The following GPC5 variants were observed in gnomAD, a reference collection of about 807,000 sequenced individuals.
GPC5 encodes the protein glypican 5.
In GPC5, 47 loss-of-function variants were observed where a neutral mutation model predicts 53.9. That is an observed-to-expected ratio of 0.87 (90% CI 0.69 to 1.11). GPC5 has a LOEUF of 1.11. GPC5 is among the 50% of genes most tolerant of loss of function. The probability of loss-of-function intolerance (pLI) is 0.00; values close to 1 mark genes in which losing one functional copy is unlikely to be tolerated. For synonymous variants in GPC5, 286 were observed against 263.3 expected (o/e 1.09, Z -0.84); for missense variants, 748 against 713.1 (o/e 1.05, Z -0.56).
chr13:91,678,524 T>A (rs929444264), intron 2 of GPC5, among the ~76,000 whole-genome samples: 6 of 152,180 alleles, frequency 3.9e-5, no homozygotes, highest in Non-Finnish European at 8.8e-5. Flanking sequence ...GATAAGATGC[T>A]TCATTAGTCG....
intron 6 of GPC5, among the ~76,000 whole-genome samples, chr13:91,985,522 C>T (rs1205609431): frequency 1.3e-5 from 2 of 151,746 alleles, no homozygotes; most frequent in South Asian, 2.1e-4. Flanking sequence ...TCTTATTTAT[C>T]GTTTCTTGGC....
Position 92,589,323 on chromosome 13 carries a change from T to G in GPC5, c.1562-276959T>G, listed in dbSNP as rs374890672. Among the ~76,000 whole-genome samples, 12 of 152,300 alleles carry G rather than the reference T, an allele frequency of 7.9e-5. No homozygotes were observed. In the East Asian group the frequency reaches 1.7e-3, roughly 22 times the overall value. Reference sequence around the variant, plus strand: ...GAAACCTTGAGAGTCATGAGTTCAGTGCAGCAAGGAAGCATCATGCATTTA... The same window carrying G: ...GAAACCTTGAGAGTCATGAGTTCAGGGCAGCAAGGAAGCATCATGCATTTA... On this transcript the variant is annotated intron_variant, in intron 7 of 7. Transcript: ENST00000377067.
chr13:92,334,782 G>A (rs1488204735), intron 7 of GPC5, among the ~76,000 whole-genome samples: 6 of 152,164 alleles, frequency 3.9e-5, no homozygotes, highest in Admixed American at 1.3e-4. Flanking sequence ...TAATAGGGCA[G>A]TCATTAAACC....
chr13:92,535,488 G>C (rs570541108), intron 7 of GPC5, among the ~76,000 whole-genome samples: 26 of 152,166 alleles, frequency 1.7e-4, no homozygotes, highest in East Asian at 5.8e-4. Flanking sequence ...AGGAACTAAG[G>C]GGGGGTCCAG....
intron 7 of GPC5, among the ~76,000 whole-genome samples, chr13:92,385,417 T>TAC (rs1475789258): frequency 4.8e-5 from 1 of 21,016 alleles, no homozygotes; most frequent in Admixed American, 7.7e-4. Flanking sequence ...TACACATATA[T>TAC]ATACATATAT....
At position 92,777,196 on chromosome 13, in the gene GPC5, C is replaced by T. The variant is rs189654036; in HGVS notation, c.1562-89086C>T. Among the ~76,000 whole-genome samples, 10 of 151,142 alleles carry T rather than the reference C, an allele frequency of 6.6e-5. No homozygotes were observed. The East Asian group carries it at 2.0e-3, about 30-fold the overall frequency. On this transcript the variant is annotated intron_variant, in intron 7 of 7. Coordinates refer to ENST00000377067, the MANE Select transcript of GPC5 (RefSeq NM_004466.6). ...CTAAAAATACAAAAAACTAGCCGGG[C>T]ATGGAGGTGCATGACTGTAGTCCCA...
chr13:92,701,429 C>A (rs969474681), intron 7 of GPC5: 4 of 152,066 alleles, frequency 2.6e-5, no homozygotes, highest in African/African-American at 9.7e-5. Flanking sequence ...TTACAAAATC[C>A]AGATATTATG....
intron 2 of GPC5, among the ~76,000 whole-genome samples, chr13:91,529,038 A>G (rs1323754522): frequency 6.6e-6 from 1 of 152,156 alleles, no homozygotes; most frequent in Admixed American, 6.5e-5. Flanking sequence ...TCAATGCTAG[A>G]GTTTTGAGAA....
At chr13:91,452,718 T>G (rs1881268835) in intron 2 of GPC5, among the ~76,000 whole-genome samples, 1 of 152,112 alleles carries the variant, frequency 6.6e-6, no homozygotes, top group African/African-American at 2.4e-5. Context: ...GCTTATATAT[T>G]TTTCAATTTT....
chr13:91,809,789 T>C (rs927736052), intron 5 of GPC5, among the ~76,000 whole-genome samples: 3 of 152,056 alleles, frequency 2.0e-5, no homozygotes, highest in African/African-American at 7.2e-5. Context: ...AAATTTTAAA[T>C]ATATATGTGA....
chr13:91,571,769 G>GTATATATACACACACATACGTGTGTGTA (rs745565068), intron 2 of GPC5, among the ~76,000 whole-genome samples: 2 of 114,302 alleles, frequency 1.7e-5, no homozygotes, highest in African/African-American at 3.6e-5. Flanking sequence ...ATGTGTATGT[G>GTATATATACACACACATACGTGTGTGTA]TATATACACA....
At chr13:92,817,374 G>T (rs543748711) in intron 7 of GPC5, among the ~76,000 whole-genome samples, 1 of 151,834 alleles carries the variant, frequency 6.6e-6, no homozygotes, top group African/African-American at 2.4e-5. Context: ...ATTTCGGTTT[G>T]GGTACATACT....
chr13:91,921,381 C>A (rs546272678), intron 6 of GPC5, among the ~76,000 whole-genome samples: 1 of 151,000 alleles, frequency 6.6e-6, no homozygotes, highest in African/African-American at 2.4e-5. Context: ...TTTTCTAAGT[C>A]AAAAAAAATT....
At chr13:92,003,999 A>C (rs1566388813) in intron 6 of GPC5, among the ~76,000 whole-genome samples, 1 of 152,226 alleles carries the variant, frequency 6.6e-6, no homozygotes, top group Non-Finnish European at 1.5e-5. Flanking sequence ...TATGAAGTAT[A>C]TACCATGAAC....
At chr13:92,626,682 C>T (rs570792115) in intron 7 of GPC5, among the ~76,000 whole-genome samples, 11 of 152,214 alleles carry the variant, frequency 7.2e-5, no homozygotes, top group Admixed American at 3.9e-4. Flanking sequence ...CCAGCTTAGA[C>T]AAGAACTTAG....
intron 7 of GPC5, among the ~76,000 whole-genome samples, chr13:92,226,526 C>T (rs76465216): frequency 5.1e-4 from 78 of 152,178 alleles, no homozygotes; most frequent in African/African-American, 1.9e-3. Flanking sequence ...AAAAATGGTA[C>T]ACAGTTGACC....
intron 2 of GPC5, among the ~76,000 whole-genome samples, chr13:91,647,421 A>G (rs944621009): frequency 6.6e-6 from 1 of 152,198 alleles, no homozygotes; most frequent in African/African-American, 2.4e-5. Flanking sequence ...TTTACATTCT[A>G]TGTGTAGTAG....
chr13:92,251,539 C>T (rs961596554), intron 7 of GPC5, among the ~76,000 whole-genome samples: 41 of 152,050 alleles, frequency 2.7e-4, no homozygotes, highest in African/African-American at 9.6e-4. Flanking sequence ...GGATGTCACC[C>T]CACCGATTTG....
intron 7 of GPC5, among the ~76,000 whole-genome samples, chr13:92,630,350 A>G (rs770696404): frequency 1.3e-5 from 2 of 152,148 alleles, no homozygotes; most frequent in Admixed American, 6.5e-5. Flanking sequence ...TTTGTTTCCT[A>G]TCTTTAAAAG....
Sources: allele counts gnomAD v4.1 joint callset (sites outside exome capture counted in the v4.1 genomes callset), GRCh38; gene constraint gnomAD v4.1.1; transcripts MANE v1.5; gene names NCBI Gene and HGNC (gene_info 2026-07-23, HGNC 2026-07-21).